Variants in STRN observed in about 807,000 individuals in gnomAD.
STRN encodes the protein striatin, also known as protein phosphatase 2 regulatory subunit B'''alpha.
Under a neutral mutation model 96.3 loss-of-function variants are expected in STRN, and 53 were observed. The observed-to-expected ratio is 0.55, with a 90% CI of 0.44 to 0.69. The LOEUF (loss-of-function observed/expected upper bound fraction) is 0.69. STRN is among the 30% of genes least tolerant of loss of function. STRN has a pLI of 0.00. For missense variants in STRN, 987 were observed against 963.9 expected (o/e 1.02, Z -0.32); for synonymous variants, 428 against 355.9 (o/e 1.20, Z -2.28).
intron 14 of STRN, 114 bp downstream of exon 14, chr2:36,857,742 C>T (rs1668382739): frequency 1.1e-6 from 1 of 909,166 alleles, no homozygotes; most frequent in South Asian, 2.6e-5. Flanking sequence ...TTCGTGGCTT[C>T]AAAAACTTTC....
chr2:36,866,937 G>A (rs893951606), intron 12 of STRN, among the ~76,000 whole-genome samples: 5 of 152,044 alleles, frequency 3.3e-5, no homozygotes, highest in African/African-American at 7.2e-5. Flanking sequence ...GAGGTGGGTC[G>A]CTTAAAGATA....
chr2:36,902,846 G>A, intron 4 of STRN, 95 bp from the exon 5 acceptor site: 2 of 1,057,800 alleles, frequency 1.9e-6, no homozygotes. Flanking sequence ...CTCATTGCCT[G>A]CATAAGACTT....
intron 12 of STRN, among the ~76,000 whole-genome samples, chr2:36,861,601 T>C (rs1572628856): frequency 6.6e-6 from 1 of 151,972 alleles, no homozygotes; most frequent in East Asian, 1.9e-4. Context: ...TTTCAAAAAG[T>C]CTAACAGCCT....
intron 12 of STRN, among the ~76,000 whole-genome samples, chr2:36,862,966 G>A (rs1049391283): frequency 3.9e-5 from 6 of 152,024 alleles, no homozygotes; most frequent in East Asian, 1.9e-4. Context: ...CTCATGATCC[G>A]CCCGCCTCGG....
rs1436314843 is a variant in STRN, at chr2:36,837,734, A to G, written c.*11722T>C. Among the ~76,000 whole-genome samples, 2 of 152,250 alleles carry G rather than the reference A, an allele frequency of 1.3e-5. No homozygotes were observed. The highest frequency in any genetic ancestry group is 2.4e-5 in the African/African-American group (1 of 41,462). On this transcript the variant is annotated 3_prime_UTR_variant, in exon 18 of 18. Transcript: ENST00000263918. ...AGGCAAAGTTTTATTTGGAAAAAGT[A>G]CTTTTGAATGTGGTCAACAGACAAC...
intron 16 of STRN, 55 bp from the exon 17 acceptor site, chr2:36,849,855 T>G: frequency 6.4e-7 from 1 of 1,553,518 alleles, no homozygotes; most frequent in South Asian, 1.1e-5. Flanking sequence ...TCTTCAATAT[T>G]TGCCAGCTAC....
At chr2:36,898,636 T>A (rs1483463856) in intron 6 of STRN, among the ~76,000 whole-genome samples, 2 of 152,174 alleles carry the variant, frequency 1.3e-5, no homozygotes, top group African/African-American at 4.8e-5. Context: ...TTTATAACAA[T>A]CCTCATTTTA....
At chr2:36,963,957 C>T (rs577426663) in intron 1 of STRN, among the ~76,000 whole-genome samples, 1 of 151,848 alleles carries the variant, frequency 6.6e-6, no homozygotes, top group South Asian at 2.1e-4. Flanking sequence ...CCACTGCACA[C>T]CGGCCTGGGC....
intron 8 of STRN, among the ~76,000 whole-genome samples, chr2:36,884,727 T>C (rs1669166411): frequency 6.6e-6 from 1 of 152,150 alleles, no homozygotes; most frequent in Non-Finnish European, 1.5e-5. Context: ...GAAATGTATT[T>C]CAAGATGGTA....
rs1667935354 is a variant in STRN, at chr2:36,840,865, CAGA to C, written c.*8588_*8590del. 1 of 152,012 alleles carries C rather than the reference CAGA, an allele frequency of 6.6e-6. No individual in the cohort carries two copies. Among genetic ancestry groups the C allele is most frequent in the African/African-American group, 2.4e-5 (1 of 41,384 alleles). 9.4% of individuals were successfully genotyped at this position (152,012 alleles called of 1,614,324 possible). ...TGCTCCTCATGCCTCAAAAAAAATCCAGAAGATTTTGAAATGCAGGAGATAAAC... is the reference window on the plus strand; with the variant it reads ...TGCTCCTCATGCCTCAAAAAAAATCCAGATTTTGAAATGCAGGAGATAAAC... On this transcript the variant is annotated 3_prime_UTR_variant, in exon 18 of 18. Coordinates refer to ENST00000263918, the MANE Select transcript of STRN (RefSeq NM_003162.4).
intron 3 of STRN, 147 bp from the exon 4 acceptor site, chr2:36,905,765 T>C (rs1029013290): frequency 4.1e-5 from 26 of 637,932 alleles, no homozygotes; most frequent in Non-Finnish European, 6.5e-5. Context: ...ATGTAAGTTC[T>C]GTTTTTTAAC....
At chr2:36,876,950 G>A (rs1301634777) in intron 10 of STRN, among the ~76,000 whole-genome samples, 2 of 151,988 alleles carry the variant, frequency 1.3e-5, no homozygotes, top group Non-Finnish European at 2.9e-5. Flanking sequence ...GGTTTTCACC[G>A]TGTGAGCCAG....
intron 1 of STRN, among the ~76,000 whole-genome samples, chr2:36,948,347 G>A (rs963424268): frequency 3.3e-5 from 5 of 151,982 alleles, no homozygotes; most frequent in East Asian, 3.9e-4. Context: ...TGATCCGCCC[G>A]CCTCGGCCTC....
intron 13 of STRN, among the ~76,000 whole-genome samples, chr2:36,860,113 G>C (rs1353478710): frequency 6.6e-6 from 1 of 152,152 alleles, no homozygotes; most frequent in Non-Finnish European, 1.5e-5. Flanking sequence ...TTTGCTGAGG[G>C]GATGGAAAGG....
At chr2:36,866,315 C>G (rs1668621825) in intron 12 of STRN, among the ~76,000 whole-genome samples, 1 of 152,186 alleles carries the variant, frequency 6.6e-6, no homozygotes, top group African/African-American at 2.4e-5. Flanking sequence ...ATCTGCCCGC[C>G]TCAGCTTCTC....
At chr2:36,881,748 T>A (rs1158652642) in intron 9 of STRN, among the ~76,000 whole-genome samples, 1 of 152,228 alleles carries the variant, frequency 6.6e-6, no homozygotes. Context: ...ATTTAGTAAA[T>A]AGTATATATC....
intron 12 of STRN, among the ~76,000 whole-genome samples, chr2:36,863,366 G>A (rs920016613): frequency 1.3e-5 from 2 of 152,184 alleles, no homozygotes; most frequent in Non-Finnish European, 2.9e-5. Flanking sequence ...GTATAAGGAA[G>A]GGGTCCAGTT....
intron 6 of STRN, among the ~76,000 whole-genome samples, chr2:36,895,381 T>C (rs190030881): frequency 4.7e-4 from 72 of 151,764 alleles, no homozygotes; most frequent in Non-Finnish European, 8.4e-4. Context: ...TTAATGATGC[T>C]AGAATAATTT....
At chr2:36,927,532 G>C (rs1470945717) in intron 1 of STRN, among the ~76,000 whole-genome samples, 4 of 145,462 alleles carry the variant, frequency 2.7e-5, no homozygotes, top group African/African-American at 5.0e-5. Context: ...AAAGGGGGGG[G>C]GGGGTGGTAA....
Sources: gnomAD v4.1 joint callset for allele counts (sites outside exome capture counted in the v4.1 genomes callset) on GRCh38, gnomAD v4.1.1 for gene constraint, MANE v1.5 for transcripts, NCBI Gene and HGNC (gene_info 2026-07-23, HGNC 2026-07-21) for gene names.